The following CDKL5 variants were observed in gnomAD, a reference collection of about 807,000 sequenced individuals.
CDKL5 encodes cyclin dependent kinase like 5.
CDKL5 carries 8 observed loss-of-function variants against 61.7 expected under a neutral mutation model. The observed-to-expected ratio is 0.13, with a 90% CI of 0.08 to 0.23. The LOEUF (loss-of-function observed/expected upper bound fraction) is 0.23, where lower values mean the gene tolerates loss of function less well. Among genes scored for constraint, CDKL5 ranks in the 10% least tolerant of loss-of-function variants. CDKL5 has a pLI of 1.00. For synonymous variants in CDKL5, 275 were observed against 272.3 expected (o/e 1.01, Z -0.10); for missense variants, 440 against 734.5 (o/e 0.60, Z 4.63).
At position 18,507,079 on chromosome X, in the gene CDKL5, A is replaced by G. The variant is rs1483246379; in HGVS notation, c.-18A>G. 3 of 1,160,298 alleles carry G rather than the reference A, an allele frequency of 2.6e-6. No individual in the cohort carries two copies. Among genetic ancestry groups the G allele is most frequent in the Admixed American group, 4.4e-5 (2 of 45,878 alleles). On this transcript the variant is annotated 5_prime_UTR_variant, in exon 2 of 18. Transcript: ENST00000623535. ...GTGCCATGTTTTGTGGCTTGCATCAAAAGAGGAGTTTGTCTTCATGAAGAT... is the reference window on the plus strand; with the variant it reads ...GTGCCATGTTTTGTGGCTTGCATCAGAAGAGGAGTTTGTCTTCATGAAGAT...
rs564955872 is a variant in CDKL5 at position 18,574,426 on chromosome X, A to T, written c.146-928A>T. Among the ~76,000 whole-genome samples the T allele has an allele frequency of 3.5e-3, 390 of 111,885 alleles. 2 individuals carry two copies. The Middle Eastern group carries it at 0.046, about 13-fold the overall frequency. ...TGGATTTTGGACTTGCAGATGAGGG[A>T]TTATGAACCTGTATCCTGGTACATA... On this transcript the variant is annotated intron_variant, in intron 4 of 17. Transcript: ENST00000623535.
chrX:18,511,615 T>C (rs1448340712), intron 3 of CDKL5, among the ~76,000 whole-genome samples: 1 of 112,087 alleles, frequency 8.9e-6, no homozygotes, highest in African/African-American at 3.2e-5. Context: ...GTAGCCTAGA[T>C]GTGTAGTAGG....
At chrX:18,440,581 C>A (rs1569183113) in intron 1 of CDKL5, among the ~76,000 whole-genome samples, 1 of 112,038 alleles carries the variant, frequency 8.9e-6, no homozygotes, top group Non-Finnish European at 1.9e-5. Flanking sequence ...TCAAGCAATT[C>A]TCCTGCCTCA....
intron 4 of CDKL5, among the ~76,000 whole-genome samples, chrX:18,568,552 G>A (rs1048196607): frequency 8.9e-6 from 1 of 112,216 alleles, no homozygotes; most frequent in Admixed American, 9.4e-5. Context: ...TTGGGAGGAG[G>A]AACAGTTTTT....
At chrX:18,463,311 C>G (rs1932331586) in intron 1 of CDKL5, among the ~76,000 whole-genome samples, 1 of 110,970 alleles carries the variant, frequency 9.0e-6, no homozygotes, top group Non-Finnish European at 1.9e-5. Flanking sequence ...GCTTCTTCCC[C>G]TGAATGTACA....
intron 10 of CDKL5, among the ~76,000 whole-genome samples, chrX:18,597,952 T>C (rs1926058027): frequency 9.0e-6 from 1 of 110,981 alleles, no homozygotes; most frequent in Non-Finnish European, 1.9e-5. Context: ...TTCAGGCAAT[T>C]ATGTGTATAC....
At chrX:18,431,850 A>AC (rs761624801) in intron 1 of CDKL5, among the ~76,000 whole-genome samples, 66 of 108,073 alleles carry the variant, frequency 6.1e-4, no homozygotes, top group Admixed American at 1.1e-3. Flanking sequence ...CATTTCCATC[A>AC]CCCCCCAAAA....
At chrX:18,587,551 A>G (rs1274424005) in intron 8 of CDKL5, 2 of 173,236 alleles carry the variant, frequency 1.2e-5, no homozygotes, top group Non-Finnish European at 1.1e-5. Context: ...AATGGATAAG[A>G]TGTATCTTTT....
chrX:18,512,884 T>A (rs1949668188), intron 3 of CDKL5, among the ~76,000 whole-genome samples: 1 of 111,329 alleles, frequency 9.0e-6, no homozygotes, highest in African/African-American at 3.3e-5. Context: ...AAGTTAAATT[T>A]GACTTTTTCC....
chrX:18,600,830 G>C (rs980939537), intron 11 of CDKL5, among the ~76,000 whole-genome samples: 2 of 111,765 alleles, frequency 1.8e-5, no homozygotes, highest in Admixed American at 9.5e-5. Flanking sequence ...TAAAATCTCT[G>C]GAAGAATCAT....
At chrX:18,618,128 A>G (rs1926775696) in intron 15 of CDKL5, among the ~76,000 whole-genome samples, 1 of 112,193 alleles carries the variant, frequency 8.9e-6, no homozygotes, top group Non-Finnish European at 1.9e-5. Flanking sequence ...GCCCATTCAC[A>G]TTCTGAGATG....
At position 18,587,831 on chromosome X, in the gene CDKL5, G is replaced by A. The variant is rs188378526; in HGVS notation, c.555-123G>A. 847 of 657,310 alleles carry A rather than the reference G, an allele frequency of 1.3e-3. 2 individuals carry two copies. Among genetic ancestry groups the A allele is most frequent in the Non-Finnish European group, 1.8e-3 (756 of 413,923 alleles). The allele number at this position is 657,310 out of a possible 1,213,427, so 54.2% of individuals were successfully genotyped here. ...TTGCTTTTCAGCCTTCTTTTCACATGGAACTTTTTAATTTCATAAATATAC... is the reference window on the plus strand; with the variant it reads ...TTGCTTTTCAGCCTTCTTTTCACATAGAACTTTTTAATTTCATAAATATAC... On this transcript the variant is annotated intron_variant, in intron 8 of 17. Coordinates refer to ENST00000623535, the MANE Select transcript of CDKL5 (RefSeq NM_001323289.2).
At chrX:18,598,651 T>A (rs1926087136) in intron 11 of CDKL5, 38 bp downstream of exon 11, 17 of 1,164,645 alleles carry the variant, frequency 1.5e-5, no homozygotes, top group Non-Finnish European at 1.8e-5. Flanking sequence ...GATGCAGTGT[T>A]GGTCTTACAA....
intron 7 of CDKL5, 133 bp downstream of exon 7, chrX:18,582,083 C>T: frequency 5.8e-6 from 3 of 521,426 alleles, no homozygotes; most frequent in Non-Finnish European, 1.0e-5. Flanking sequence ...TCTTTTGAGT[C>T]ACATGTTGAA....
At chrX:18,558,701 C>T (rs1924687486) in intron 3 of CDKL5, among the ~76,000 whole-genome samples, 1 of 111,770 alleles carries the variant, frequency 8.9e-6, no homozygotes. Flanking sequence ...TGGACCCATG[C>T]TCACAGGAAC....
intron 1 of CDKL5, among the ~76,000 whole-genome samples, chrX:18,429,985 C>T (rs931675331): frequency 1.8e-5 from 2 of 111,629 alleles, no homozygotes; most frequent in Non-Finnish European, 3.8e-5. Flanking sequence ...CTCGGGTGTA[C>T]TGAAGGTATA....
In CDKL5 at chrX:18,604,720, C is replaced by G; in HGVS notation, c.1796C>G (p.Thr599Ser). The G allele has an allele frequency of 8.3e-7, 1 of 1,211,744 alleles. No homozygotes were observed. The highest frequency in any genetic ancestry group is 1.1e-6 in the Non-Finnish European group (1 of 895,325). Residue 599 changes from threonine to serine, a missense_variant, in exon 12 of 18, where the codon ACC (threonine) becomes AGC (serine). By Grantham distance (58) the Thr-to-Ser change is moderately conservative. This residue lies in a region of CDKL5 where 363 missense variants were observed against 516.3 expected (regional missense o/e 0.70). Transcript: ENST00000623535. ...TCTTTTTCTTATGGACTGGGCTACA[C>G]CAGCCCCTTTTCTTCCCAGCAACGT... ...HESFSYGLGY[T>S]SPFSSQQRPH...
chrX:18,579,710 A>G lies in CDKL5; in HGVS notation c.283-138A>G, dbSNP rs1413147497. 1.4e-5 allele frequency: 8 copies of G among 563,814 alleles called. No homozygotes were observed. In the East Asian group the frequency reaches 2.4e-4, roughly 17 times the overall value. 46.5% of individuals were successfully genotyped at this position (563,814 alleles called of 1,213,427 possible). A position where few individuals can be genotyped will look rare whatever the true frequency, so the allele number is the denominator to read the frequency against. On this transcript the variant is annotated intron_variant, in intron 5 of 17. Transcript: ENST00000623535. ...TTTTAATGCTGATTCAGCATGAGAA[A>G]GTTGTAGATAGAAAGCAAAACAATT...
intron 17 of CDKL5, among the ~76,000 whole-genome samples, chrX:18,625,623 T>A (rs1051794541): frequency 8.9e-6 from 1 of 111,736 alleles, no homozygotes; most frequent in East Asian, 2.8e-4. Flanking sequence ...GTGGGAAGAT[T>A]AAGGTTTCAT....
Sources: allele counts gnomAD v4.1 joint callset (sites outside exome capture counted in the v4.1 genomes callset), GRCh38; gene constraint gnomAD v4.1.1; regional missense constraint gnomAD v4.1.1; transcripts MANE v1.5; gene names NCBI Gene and HGNC (gene_info 2026-07-23, HGNC 2026-07-21).